POPDC2: variants seen among roughly 807,000 people sequenced by gnomAD.
POPDC2 encodes popeye domain cAMP effector 2, also known as popeye domain-containing protein 2.
A neutral mutation model predicts 30.5 loss-of-function variants in POPDC2; 24 were observed. The observed-to-expected ratio is 0.79, with a 90% CI of 0.57 to 1.11. The LOEUF (loss-of-function observed/expected upper bound fraction) is 1.11. POPDC2 is among the 50% of genes least tolerant of loss of function. POPDC2 has a pLI of 0.00. For missense variants in POPDC2, 409 were observed against 447.0 expected (o/e 0.91, Z 0.77); for synonymous variants, 185 against 183.3 (o/e 1.01, Z -0.07).
chr3:119,655,812 T>C (rs763876494), intron 1 of POPDC2, among the ~76,000 whole-genome samples: 1 of 152,226 alleles, frequency 6.6e-6, no homozygotes, highest in East Asian at 1.9e-4. Context: ...CACAACACCA[T>C]GTTGCCACCC....
intron 1 of POPDC2, among the ~76,000 whole-genome samples, chr3:119,658,005 A>G (rs1360928836): frequency 6.6e-6 from 1 of 152,226 alleles, no homozygotes; most frequent in African/African-American, 2.4e-5. Context: ...CTTTATTAAA[A>G]CAAAACAAAA....
At chr3:119,650,532 C>T (rs1440898890) in intron 2 of POPDC2, among the ~76,000 whole-genome samples, 2 of 152,172 alleles carry the variant, frequency 1.3e-5, no homozygotes, top group Admixed American at 1.3e-4. Flanking sequence ...TTTCCCCTTC[C>T]TCTTTGATAT....
chr3:119,648,858 GGGTCC>G, intron 2 of POPDC2, among the ~76,000 whole-genome samples, 190 bp from the exon 3 acceptor site: 1 of 152,168 alleles, frequency 6.6e-6, no homozygotes, highest in Non-Finnish European at 1.5e-5. Flanking sequence ...TGATATGGGG[GGGTCC>G]TGTGTCAGGA....
Position 119,642,496 on chromosome 3 carries a change from T to C in POPDC2, c.*109A>G. On this transcript the variant is annotated 3_prime_UTR_variant, in exon 4 of 4. Transcript: ENST00000493094. ...GATCCTTAAAGTTCAGGCGTGTGGG[T>C]TGGAGCCAAAGGGGCCTGTCCCCTG... The C allele has an allele frequency of 6.2e-7, 1 of 1,612,250 alleles. No individual in the cohort carries two copies. Among genetic ancestry groups the C allele is most frequent in the Non-Finnish European group, 8.5e-7 (1 of 1,178,322 alleles).
intron 1 of POPDC2, 21 bp from the exon 2 acceptor site, chr3:119,654,634 A>T (rs775824122): frequency 6.3e-7 from 1 of 1,595,590 alleles, no homozygotes; most frequent in Non-Finnish European, 8.6e-7. Context: ...AAGAGAAGAG[A>T]TCATGTGGGA....
At chr3:119,658,115 C>G (rs189336593) in intron 1 of POPDC2, among the ~76,000 whole-genome samples, 1 of 152,312 alleles carries the variant, frequency 6.6e-6, no homozygotes, top group East Asian at 1.9e-4. Flanking sequence ...AAGTTCTTGT[C>G]TGCTGCTTTG....
chr3:119,656,022 A>C (rs1283486743), intron 1 of POPDC2, among the ~76,000 whole-genome samples: 2 of 152,164 alleles, frequency 1.3e-5, no homozygotes, highest in Non-Finnish European at 2.9e-5. Context: ...TTGGAAATGG[A>C]ATTGCGTGTA....
chr3:119,649,243 C>T (rs2052783969), intron 2 of POPDC2, among the ~76,000 whole-genome samples: 1 of 151,964 alleles, frequency 6.6e-6, no homozygotes, highest in Non-Finnish European at 1.5e-5. Context: ...CGTAACTTGG[C>T]CATTTCAAGT....
In POPDC2 at chr3:119,660,473, G is replaced by T. The variant is rs145466596; in HGVS notation, c.-50C>A. The T allele has an allele frequency of 6.5e-7, 1 of 1,547,866 alleles. No individual in the cohort carries two copies. The highest frequency in any genetic ancestry group is 8.7e-7 in the Non-Finnish European group (1 of 1,146,680). On this transcript the variant is annotated 5_prime_UTR_variant, in exon 1 of 4. Coordinates refer to ENST00000493094, the MANE Select transcript of POPDC2 (RefSeq NM_001369919.2). Reference sequence around the variant, plus strand: ...TGGGCTCTAATACTGTCCTCACATAGGAAATTCAGAAAATGAATGAATCCA... The same window carrying T: ...TGGGCTCTAATACTGTCCTCACATATGAAATTCAGAAAATGAATGAATCCA...
At chr3:119,659,523 T>A (rs1012993642) in intron 1 of POPDC2, among the ~76,000 whole-genome samples, 4 of 152,216 alleles carry the variant, frequency 2.6e-5, no homozygotes, top group African/African-American at 9.7e-5. Flanking sequence ...ATGTTGAATT[T>A]GAGTAAGGAA....
At chr3:119,642,640 T>A (rs1370072074) in intron 3 of POPDC2, 79 bp from the exon 4 acceptor site, 3 of 1,002,070 alleles carry the variant, frequency 3.0e-6, no homozygotes, top group Admixed American at 4.1e-5. Flanking sequence ...TCTTTTCAGT[T>A]TTTTTCTTTC....
chr3:119,660,670 T>TCC (rs1560100600), upstream of POPDC2: 8 of 243,528 alleles, frequency 3.3e-5, no homozygotes, highest in Admixed American at 8.0e-5. Flanking sequence ...CCCTCTCTCC[T>TCC]CCCCACCACC....
intron 3 of POPDC2, among the ~76,000 whole-genome samples, chr3:119,645,399 A>G (rs1461455726): frequency 6.6e-6 from 1 of 152,082 alleles, no homozygotes; most frequent in Non-Finnish European, 1.5e-5. Context: ...TGTCTCTACT[A>G]AAAATAGAAA....
intron 3 of POPDC2, chr3:119,643,567 G>A: frequency 1.4e-6 from 1 of 731,052 alleles, no homozygotes; most frequent in South Asian, 1.6e-5. Flanking sequence ...CTGCCTTTAT[G>A]TATTTTATCA....
chr3:119,642,525 A>C lies in POPDC2; in HGVS notation c.*80T>G, dbSNP rs758923041. 6.2e-7 allele frequency: 1 copy of C among 1,613,458 alleles called. No individual in the cohort carries two copies. Among genetic ancestry groups the C allele is most frequent in the Admixed American group, 1.7e-5 (1 of 60,026 alleles). On this transcript the variant is annotated 3_prime_UTR_variant, in exon 4 of 4. Coordinates refer to ENST00000493094, the MANE Select transcript of POPDC2 (RefSeq NM_001369919.2). ...AGCCAAAGGGGCCTGTCCCCTGGATATAACTTGAGAGTAGCTCTGGAGAGG... is the reference window on the plus strand; with the variant it reads ...AGCCAAAGGGGCCTGTCCCCTGGATCTAACTTGAGAGTAGCTCTGGAGAGG...
chr3:119,653,773 G>A lies in POPDC2; in HGVS notation c.600+732C>T, dbSNP rs142046457. Among the ~76,000 whole-genome samples the A allele has an allele frequency of 1.1e-3, 167 of 152,298 alleles. 1 individual carries two copies. Among genetic ancestry groups the A allele is most frequent in the South Asian group, 2.5e-3 (12 of 4,828 alleles). ...ATTACAGGCGTGAGCCACCGCGCCC[G>A]GCAAGCAATTCTTTACTGAACAGCT... On this transcript the variant is annotated intron_variant, in intron 2 of 3. Coordinates refer to ENST00000493094, the MANE Select transcript of POPDC2 (RefSeq NM_001369919.2).
chr3:119,651,731 G>A (rs1432666001), intron 2 of POPDC2, among the ~76,000 whole-genome samples: 2 of 151,900 alleles, frequency 1.3e-5, no homozygotes, highest in Non-Finnish European at 2.9e-5. Flanking sequence ...CACCTCCCGG[G>A]TTCAAGCAAT....
In POPDC2 at chr3:119,657,478, G is replaced by A. The variant is rs190414498; in HGVS notation, c.491+2455C>T. Among the ~76,000 whole-genome samples the A allele has an allele frequency of 1.2e-3, 189 of 152,236 alleles. No homozygotes were observed. In the Middle Eastern group the frequency reaches 0.017, roughly 14 times the overall value. On this transcript the variant is annotated intron_variant, in intron 1 of 3. Transcript: ENST00000493094. ...ACTCTGAATAAATATGTATGGAAGG[G>A]GGAAAAGAAGGAAAGAAGGAAGCAA...
chr3:119,657,829 A>C (rs4687870), intron 1 of POPDC2, among the ~76,000 whole-genome samples: 2 of 151,598 alleles, frequency 1.3e-5, no homozygotes, highest in Non-Finnish European at 2.9e-5. Flanking sequence ...TCTTCTCCTA[A>C]ATGAATAGCT....
Sources: allele counts gnomAD v4.1 joint callset (sites outside exome capture counted in the v4.1 genomes callset), GRCh38; gene constraint gnomAD v4.1.1; transcripts MANE v1.5; gene names NCBI Gene and HGNC (gene_info 2026-07-23, HGNC 2026-07-21).